The following SPATA6 variants were observed in gnomAD, a reference collection of about 807,000 sequenced individuals.
SPATA6 encodes spermatogenesis associated 6.
In SPATA6, 56 loss-of-function variants were observed where a neutral mutation model predicts 65.3. That is an observed-to-expected ratio of 0.86 (90% CI 0.69 to 1.07). The LOEUF (loss-of-function observed/expected upper bound fraction) is 1.07. SPATA6 is among the 50% of genes least tolerant of loss of function. The pLI, the probability that SPATA6 is intolerant of heterozygous loss-of-function variation, is 0.00. For missense variants in SPATA6, 590 were observed against 594.8 expected (o/e 0.99, Z 0.08); for synonymous variants, 199 against 213.2 (o/e 0.93, Z 0.58).
intron 9 of SPATA6, among the ~76,000 whole-genome samples, chr1:48,369,448 T>C (rs575727937): frequency 4.5e-4 from 69 of 152,314 alleles, no homozygotes; most frequent in Middle Eastern, 6.8e-3. Flanking sequence ...GCTTCCTGGC[T>C]CCTTTGTTTA....
In SPATA6 at chr1:48,411,496, G is replaced by T. The variant is rs1034552249; in HGVS notation, c.373C>A (p.Gln125Lys). ...QMSGHHDSNR[Q>K]VTMRRISGLR... is the part of the protein sequence containing the mutation. Reference sequence around the variant, plus strand: ...CCAGAAATCCTCCTCATGGTAACCTGGCGGTTTGAATCATGGTGTCCAGAC... The same window carrying T: ...CCAGAAATCCTCCTCATGGTAACCTTGCGGTTTGAATCATGGTGTCCAGAC... Residue 125 changes from glutamine (Q) to lysine (K), a missense_variant, in exon 5 of 13, where the codon CAG becomes AAG. Physicochemically the swap from Gln to Lys is moderately conservative, Grantham distance 53 (BLOSUM62 1). Transcript: ENST00000371847. 1.9e-6 allele frequency: 3 copies of T among 1,609,750 alleles called. No homozygotes were observed. Among genetic ancestry groups the T allele is most frequent in the Non-Finnish European group, 2.5e-6 (3 of 1,178,204 alleles).
the SPATA6 span, among the ~76,000 whole-genome samples, chr1:48,290,272 T>C: frequency 6.6e-6 from 1 of 152,082 alleles, no homozygotes; most frequent in Non-Finnish European, 1.5e-5. Context: ...GAAGGAGAAA[T>C]AAAATCCTTT....
intron 8 of SPATA6, among the ~76,000 whole-genome samples, chr1:48,387,497 G>T (rs1157039364): frequency 2.0e-5 from 3 of 152,172 alleles, no homozygotes; most frequent in Non-Finnish European, 4.4e-5. Flanking sequence ...ACAGATGGCA[G>T]CATCATCTCC....
intron 3 of SPATA6, among the ~76,000 whole-genome samples, chr1:48,434,378 T>C (rs1654694456): frequency 6.6e-6 from 1 of 152,070 alleles, no homozygotes; most frequent in Non-Finnish European, 1.5e-5. Flanking sequence ...AGTAGAACCA[T>C]TCATTCCATT....
chr1:48,458,995 G>A (rs761960495), intron 1 of SPATA6, among the ~76,000 whole-genome samples: 15 of 151,890 alleles, frequency 9.9e-5, no homozygotes, highest in Admixed American at 3.3e-4. Context: ...CATGAGGTCC[G>A]GAGTTTGAGA....
rs148661328 is a variant in SPATA6 at position 48,312,404 on chromosome 1, T to A, written c.1195-6526A>T. ...TGCTGTTCACCAAGATCCGCTGTTC[T>A]GCAGTCTTCGCTGCTGATACCCAGG... On this transcript the variant is annotated intron_variant, in intron 11 of 12. Transcript: ENST00000371847. Among the ~76,000 whole-genome samples, 9 of 152,306 alleles carry A rather than the reference T, an allele frequency of 5.9e-5. 1 individual carries two copies. The East Asian group carries it at 1.7e-3, about 29-fold the overall frequency.
intron 3 of SPATA6, chr1:48,436,942 A>G: frequency 1.2e-6 from 2 of 1,613,322 alleles, no homozygotes; most frequent in Non-Finnish European, 8.5e-7. Flanking sequence ...TCACACAGTA[A>G]ATAGTGACCG....
chr1:48,349,105 A>C (rs1298588978), intron 11 of SPATA6, among the ~76,000 whole-genome samples: 1 of 152,026 alleles, frequency 6.6e-6, no homozygotes, highest in African/African-American at 2.4e-5. Flanking sequence ...TAAAAATAGA[A>C]TATTTTATGA....
chr1:48,400,672 G>T, intron 6 of SPATA6: 2 of 677,678 alleles, frequency 3.0e-6, no homozygotes, highest in Non-Finnish European at 4.3e-6. Flanking sequence ...GGATGAAGAA[G>T]AGTCAAATTT....
At chr1:48,279,679 A>C in the SPATA6 span, among the ~76,000 whole-genome samples, 1 of 152,188 alleles carries the variant, frequency 6.6e-6, no homozygotes, top group Admixed American at 6.5e-5. Context: ...CAGATTCATA[A>C]AGCAAGTCCT....
chr1:48,444,807 T>C (rs955778200), intron 3 of SPATA6, among the ~76,000 whole-genome samples: 3 of 152,164 alleles, frequency 2.0e-5, no homozygotes, highest in South Asian at 2.1e-4. Context: ...AGCTTCATTC[T>C]TGAAGTCAGC....
chr1:48,320,434 C>T (rs1385082800), intron 11 of SPATA6, among the ~76,000 whole-genome samples: 2 of 152,150 alleles, frequency 1.3e-5, no homozygotes, highest in Admixed American at 6.5e-5. Flanking sequence ...TCAGTGGAAA[C>T]CTTACAGGCC....
chr1:48,420,435 G>A lies in SPATA6; in HGVS notation c.239-7284C>T, dbSNP rs150472629. 6.8e-3 allele frequency among the ~76,000 whole-genome samples: 1,029 copies of A among 152,234 alleles called. 11 individuals are homozygous for A. Among genetic ancestry groups the A allele is most frequent in the African/African-American group, 0.022 (907 of 41,536 alleles). ...CAGGAGGAAGTTCCAGCCTGGACTT[G>A]GGCCTGCTGTCTTTAGGGGCTGCAG... On this transcript the variant is annotated intron_variant, in intron 3 of 12. Transcript: ENST00000371847.
chr1:48,388,894 A>AT (rs1296445728), intron 8 of SPATA6, among the ~76,000 whole-genome samples: 3 of 151,046 alleles, frequency 2.0e-5, no homozygotes, highest in Admixed American at 6.6e-5. Context: ...TTTATTTTTT[A>AT]TTTTTTTTGA....
At chr1:48,375,922 C>T (rs1647844207) in intron 9 of SPATA6, among the ~76,000 whole-genome samples, 2 of 152,146 alleles carry the variant, frequency 1.3e-5, no homozygotes, top group South Asian at 4.1e-4. Flanking sequence ...AAATCTCATA[C>T]ATCCAATGGT....
intron 3 of SPATA6, among the ~76,000 whole-genome samples, chr1:48,415,407 G>A (rs145020048): frequency 2.0e-4 from 31 of 152,098 alleles, no homozygotes; most frequent in African/African-American, 7.2e-4. Flanking sequence ...ATTTGTCAGG[G>A]GTTTTTTGGT....
chr1:48,440,241 T>C (rs1348000146), intron 3 of SPATA6, among the ~76,000 whole-genome samples: 1 of 152,096 alleles, frequency 6.6e-6, no homozygotes, highest in Non-Finnish European at 1.5e-5. Flanking sequence ...CATGTCCCCT[T>C]CTCCCTCTGA....
At chr1:48,456,343 T>G (rs1348102060) in intron 1 of SPATA6, among the ~76,000 whole-genome samples, 3 of 152,170 alleles carry the variant, frequency 2.0e-5, no homozygotes, top group Non-Finnish European at 4.4e-5. Flanking sequence ...TTCAGGAAAT[T>G]AATTAAACAA....
intron 11 of SPATA6, among the ~76,000 whole-genome samples, chr1:48,322,602 C>A (rs1291790112): frequency 6.6e-6 from 1 of 152,118 alleles, no homozygotes; most frequent in Non-Finnish European, 1.5e-5. Flanking sequence ...TTCTGCACAG[C>A]AAAAGAAACT....
Sources: gnomAD v4.1 joint callset for allele counts (sites outside exome capture counted in the v4.1 genomes callset) on GRCh38, gnomAD v4.1.1 for gene constraint, MANE v1.5 for transcripts, NCBI Gene and HGNC (gene_info 2026-07-23, HGNC 2026-07-21) for gene names.